The following DOP1B variants were observed in gnomAD, a reference collection of about 807,000 sequenced individuals.
DOP1B encodes the protein protein DOP1B.
DOP1B carries 174 observed loss-of-function variants against 233.5 expected under a neutral mutation model. That is an observed-to-expected ratio of 0.75 (90% CI 0.66 to 0.85). DOP1B has a LOEUF of 0.85. DOP1B is among the 40% of genes least tolerant of loss of function. The probability of loss-of-function intolerance (pLI) is 0.00; values close to 1 mark genes in which losing one functional copy is unlikely to be tolerated. For synonymous variants in DOP1B, 1,190 were observed against 1,185.6 expected, an observed-to-expected ratio of 1.00 and a Z score of -0.08; for missense variants, 2,652 against 2,846.6, an observed-to-expected ratio of 0.93 and a Z score of 1.56.
At chr21:36,248,615 G>T in intron 21 of DOP1B, 47 bp downstream of exon 21, 2 of 1,528,820 alleles carry the variant, frequency 1.3e-6, no homozygotes, top group Non-Finnish European at 1.8e-6. Flanking sequence ...GTCTTGTATT[G>T]TTCCACCCAA....
At chr21:36,231,273 T>C in intron 14 of DOP1B, 139 bp downstream of exon 14, 5 of 1,153,462 alleles carry the variant, frequency 4.3e-6, no homozygotes, top group Non-Finnish European at 4.8e-6. Flanking sequence ...TTTGGAATAT[T>C]TGCCTTACAC....
chr21:36,225,230 G>A (rs1256443409), intron 11 of DOP1B, among the ~76,000 whole-genome samples: 1 of 151,220 alleles, frequency 6.6e-6, no homozygotes. Flanking sequence ...AAGAAGAATT[G>A]ATTTTTTTTT....
chr21:36,251,715 C>T (rs1378684923), intron 22 of DOP1B, among the ~76,000 whole-genome samples: 3 of 152,212 alleles, frequency 2.0e-5, no homozygotes, highest in African/African-American at 4.8e-5. Context: ...GCCACCACAC[C>T]TTGCCGATTT....
At chr21:36,164,648 G>T (rs1437868983) in intron 1 of DOP1B, 60 bp from the exon 2 acceptor site, 8 of 1,365,808 alleles carry the variant, frequency 5.9e-6, no homozygotes, top group Admixed American at 5.4e-5. Flanking sequence ...GCTCTGGGTT[G>T]GGAATGATTT....
intron 15 of DOP1B, 118 bp downstream of exon 15, chr21:36,233,193 G>C: frequency 7.7e-7 from 1 of 1,304,670 alleles, no homozygotes; most frequent in Non-Finnish European, 1.0e-6. Flanking sequence ...TATTCTATAG[G>C]GCACTGGGCA....
At chr21:36,228,486 G>T (rs1002709409) in intron 13 of DOP1B, among the ~76,000 whole-genome samples, 2 of 151,872 alleles carry the variant, frequency 1.3e-5, no homozygotes, top group African/African-American at 2.4e-5. Context: ...AAAAATAAGG[G>T]CTGGGCGCGG....
At chr21:36,239,710 G>A in intron 17 of DOP1B, 55 bp from the exon 18 acceptor site, 1 of 1,477,810 alleles carries the variant, frequency 6.8e-7, no homozygotes, top group South Asian at 1.4e-5. Flanking sequence ...CTGCCACGGT[G>A]CCTGGCGCAC....
intron 22 of DOP1B, among the ~76,000 whole-genome samples, chr21:36,252,351 G>C: frequency 6.6e-6 from 1 of 150,792 alleles, no homozygotes; most frequent in Non-Finnish European, 1.5e-5. Context: ...CTAGTTACTT[G>C]GGAGGCTGAG....
Position 36,241,377 on chromosome 21 carries a change from G to T in DOP1B, c.3067+1422G>T, listed in dbSNP as rs978153752. Among the ~76,000 whole-genome samples the T allele has an allele frequency of 2.0e-5, 3 of 151,820 alleles. No homozygotes were observed. In the East Asian group the frequency reaches 5.8e-4, roughly 29 times the overall value. On this transcript the variant is annotated intron_variant, in intron 18 of 36. Coordinates refer to ENST00000691173, the MANE Select transcript of DOP1B (RefSeq NM_001320714.2). ...AGACAGTTATAAGCTAACGCTGTTC[G>T]AGAAGTTGAAACCAAAGGAATAAGC... is the stretch of plus-strand genomic sequence containing the variant.
At chr21:36,281,633 G>A in intron 32 of DOP1B, 22 bp downstream of exon 32, 1 of 1,537,406 alleles carries the variant, frequency 6.5e-7, no homozygotes, top group Non-Finnish European at 8.8e-7. Context: ...GTCTTAGTCT[G>A]TTTTTTGCTG....
chr21:36,229,365 TGGCAATATTCAGCATTCCTC>T (rs1218701940), intron 13 of DOP1B, among the ~76,000 whole-genome samples: 2 of 152,170 alleles, frequency 1.3e-5, no homozygotes, highest in Non-Finnish European at 2.9e-5. Flanking sequence ...GGTGGTTTGC[TGGCAATATTCAGCATTCCTC>T]GGCTTGTCCA....
At chr21:36,260,501 C>T (rs1436434428) in intron 23 of DOP1B, among the ~76,000 whole-genome samples, 176 bp from the exon 24 acceptor site, 1 of 152,174 alleles carries the variant, frequency 6.6e-6, no homozygotes, top group African/African-American at 2.4e-5. Flanking sequence ...ACTCATAGGA[C>T]ACACTTGTTT....
rs5843748 is a variant in DOP1B, at chr21:36,160,477, C to CTT, written c.-27+3551_-27+3552dup. On this transcript the variant is annotated intron_variant, in intron 1 of 36. Coordinates refer to ENST00000691173, the MANE Select transcript of DOP1B (RefSeq NM_001320714.2). ...GTTGTTTGGTTCTATTTTAAGTTTT[C>CTT]TTTTTTTTTTTTTTTTTTGAGACAG... is the stretch of plus-strand genomic sequence containing the variant. Among the ~76,000 whole-genome samples, 385 of 122,780 alleles carry CTT rather than the reference C, an allele frequency of 3.1e-3. 6 individuals are homozygous for CTT. The highest frequency in any genetic ancestry group is 8.2e-3 in the African/African-American group (261 of 31,678). 80.5% of individuals were successfully genotyped at this position (122,780 alleles called of 152,430 possible). A position where few individuals can be genotyped will look rare whatever the true frequency, so the allele number is the denominator to read the frequency against.
At chr21:36,254,013 CAA>C (rs1301120830) in intron 23 of DOP1B, 104 bp downstream of exon 23, 9 of 1,424,120 alleles carry the variant, frequency 6.3e-6, no homozygotes, top group East Asian at 2.5e-5. Flanking sequence ...GGATAGGTAA[CAA>C]GAGCTAGTGG....
intron 2 of DOP1B, among the ~76,000 whole-genome samples, chr21:36,181,955 T>A (rs1158923212): frequency 6.6e-6 from 1 of 152,252 alleles, no homozygotes; most frequent in Non-Finnish European, 1.5e-5. Flanking sequence ...CTTATCTTTA[T>A]ATGGCAAGAA....
intron 1 of DOP1B, among the ~76,000 whole-genome samples, chr21:36,160,307 G>A (rs2065857926): frequency 6.6e-6 from 1 of 152,108 alleles, no homozygotes; most frequent in Non-Finnish European, 1.5e-5. Context: ...TGAGTAGGCG[G>A]TCTTATTTTG....
At chr21:36,191,407 G>T (rs1182002619) in intron 2 of DOP1B, among the ~76,000 whole-genome samples, 1 of 152,162 alleles carries the variant, frequency 6.6e-6, no homozygotes, top group Admixed American at 6.6e-5. Context: ...AAATCCCTGG[G>T]CTGCCTCAGG....
intron 26 of DOP1B, among the ~76,000 whole-genome samples, chr21:36,266,871 G>T (rs376795555): frequency 6.6e-6 from 1 of 152,150 alleles, no homozygotes; most frequent in East Asian, 1.9e-4. Context: ...TATCACACCC[G>T]TCCACTCAGT....
At chr21:36,171,909 C>T (rs2065974578) in intron 2 of DOP1B, among the ~76,000 whole-genome samples, 1 of 152,180 alleles carries the variant, frequency 6.6e-6, no homozygotes. Flanking sequence ...TGGCGAGAGA[C>T]AGACGACAGA....
Sources: allele counts gnomAD v4.1 joint callset (sites outside exome capture counted in the v4.1 genomes callset), GRCh38; gene constraint gnomAD v4.1.1; transcripts MANE v1.5; gene names NCBI Gene and HGNC (gene_info 2026-07-23, HGNC 2026-07-21).